ERAP2: variants seen among roughly 807,000 people sequenced by gnomAD.
ERAP2 encodes the protein endoplasmic reticulum aminopeptidase 2, also known as leukocyte-derived arginine aminopeptidase.
In ERAP2, 118 loss-of-function variants were observed where a neutral mutation model predicts 111.1. That is an observed-to-expected ratio of 1.06 (90% CI 0.92 to 1.24). The LOEUF (loss-of-function observed/expected upper bound fraction) is 1.24, where lower values mean the gene tolerates loss of function less well. Among genes scored for constraint, ERAP2 ranks in the 50% most tolerant of loss-of-function variants. The pLI is 0.00. For missense variants in ERAP2, 1,131 were observed against 1,125.8 expected, an observed-to-expected ratio of 1.00 and a Z score of -0.07; for synonymous variants, 410 against 401.2, an observed-to-expected ratio of 1.02 and a Z score of -0.26.
chr5:96,891,367 A>T (rs1581827761), intron 5 of ERAP2, among the ~76,000 whole-genome samples: 1 of 146,120 alleles, frequency 6.8e-6, no homozygotes, highest in East Asian at 2.0e-4. Context: ...GTATATATAT[A>T]TGTGTATATA....
At chr5:96,904,034 G>A (rs559337645) in intron 13 of ERAP2, among the ~76,000 whole-genome samples, 12 of 152,096 alleles carry the variant, frequency 7.9e-5, no homozygotes, top group Non-Finnish European at 1.3e-4. Context: ...ACCAAATACC[G>A]GTGTAATCTC....
chr5:96,893,529 GCA>G (rs1377100574), intron 6 of ERAP2, among the ~76,000 whole-genome samples: 1 of 152,176 alleles, frequency 6.6e-6, no homozygotes, highest in Non-Finnish European at 1.5e-5. Context: ...GAGCTCTAAA[GCA>G]CTTAACTGAG....
At chr5:96,876,593 T>C (rs941151689) in intron 1 of ERAP2, 66 bp downstream of exon 1, 9 of 152,326 alleles carry the variant, frequency 5.9e-5, no homozygotes, top group Admixed American at 4.6e-4. Context: ...AATAATGAAC[T>C]GAAGGTATAG....
At chr5:96,882,366 G>A (rs775420814) in intron 2 of ERAP2, among the ~76,000 whole-genome samples, 10 of 152,154 alleles carry the variant, frequency 6.6e-5, no homozygotes, top group South Asian at 2.1e-4. Flanking sequence ...CATGCCTCCC[G>A]TGATTAATTG....
At chr5:96,912,876 A>G (rs1786959225) in intron 16 of ERAP2, 78 bp downstream of exon 16, 1 of 1,171,210 alleles carries the variant, frequency 8.5e-7, no homozygotes, top group Non-Finnish European at 1.2e-6. Context: ...TTCAGCCACC[A>G]GTTTTAAAGG....
intron 9 of ERAP2, 102 bp downstream of exon 9, chr5:96,896,965 T>TAAGTCATATGTTGGGTAACGATATACTG: frequency 3.0e-6 from 3 of 987,684 alleles, no homozygotes; most frequent in Non-Finnish European, 4.2e-6. Context: ...GTCAACCATA[T>TAAGTCATATGTTGGGTAACGATATACTG]TTATTCTGCT....
At chr5:96,902,421 G>A (rs1170309841) in intron 12 of ERAP2, 68 bp downstream of exon 12, 2 of 943,870 alleles carry the variant, frequency 2.1e-6, no homozygotes, top group African/African-American at 3.2e-5. Context: ...CTATTTGAAG[G>A]AACGATACAA....
chr5:96,878,762 T>C (rs968449772), intron 1 of ERAP2, among the ~76,000 whole-genome samples: 5 of 152,094 alleles, frequency 3.3e-5, no homozygotes, highest in Non-Finnish European at 7.4e-5. Flanking sequence ...ACCCCGTCTC[T>C]ACTAAAAATA....
intron 13 of ERAP2, among the ~76,000 whole-genome samples, chr5:96,907,883 C>CA (rs61258566): frequency 3.9e-4 from 57 of 147,836 alleles, no homozygotes; most frequent in East Asian, 1.2e-3. Flanking sequence ...AACTCTGTCT[C>CA]AAAAAAAAAA....
intron 1 of ERAP2, among the ~76,000 whole-genome samples, chr5:96,877,739 T>TA (rs397821282): frequency 6.6e-6 from 1 of 151,982 alleles, no homozygotes; most frequent in Non-Finnish European, 1.5e-5. Flanking sequence ...CCATTTTTTT[T>TA]AAACCCTCCA....
At chr5:96,882,752 C>A (rs972384704) in intron 2 of ERAP2, among the ~76,000 whole-genome samples, 8 of 152,186 alleles carry the variant, frequency 5.3e-5, no homozygotes, top group Non-Finnish European at 1.2e-4. Flanking sequence ...AACCTTGAGG[C>A]CACAAGTGAA....
At chr5:96,912,589 T>A in intron 15 of ERAP2, 48 bp from the exon 16 acceptor site, 1 of 1,528,668 alleles carries the variant, frequency 6.5e-7, no homozygotes, top group Non-Finnish European at 8.8e-7. Context: ...AAGAAAAAAG[T>A]TTTTCTTTCA....
Position 96,879,564 on chromosome 5 carries a change from A to G in ERAP2, c.-122A>G, listed in dbSNP as rs534645620. 1.6e-4 allele frequency: 112 copies of G among 691,224 alleles called. No homozygotes were observed. The South Asian group carries it at 2.2e-3, about 14-fold the overall frequency. The allele number at this position is 691,224 out of a possible 1,614,324, so 42.8% of individuals were successfully genotyped here. ...CTATAAGTGTGTTTTTTTCTTCTAG[A>G]TTAAATTCATGTATTGAAAATATTG... On this transcript the variant is annotated splice_region_variant and 5_prime_UTR_variant, in exon 2 of 19. Transcript: ENST00000437043.
In ERAP2 at chr5:96,918,902, A is replaced by G. The variant is rs1787717332; in HGVS notation, c.*1297A>G. 6.6e-6 allele frequency: 1 copy of G among 152,178 alleles called. No individual in the cohort carries two copies. Among genetic ancestry groups the G allele is most frequent in the Non-Finnish European group, 1.5e-5 (1 of 68,026 alleles). The allele number at this position is 152,178 out of a possible 1,614,324, so 9.4% of individuals were successfully genotyped here. A position where few individuals can be genotyped will look rare whatever the true frequency, so the allele number is the denominator to read the frequency against. ...GGAAACCCCCCACCTCCTTCTTTTA[A>G]GGGCGCTTCTTGCTCTCTGAAATGC... On this transcript the variant is annotated 3_prime_UTR_variant, in exon 19 of 19. Transcript: ENST00000437043.
chr5:96,902,466 G>A (rs1785581504), intron 12 of ERAP2, 113 bp downstream of exon 12: 2 of 650,632 alleles, frequency 3.1e-6, no homozygotes, highest in Non-Finnish European at 5.3e-6. Flanking sequence ...TTATATTTGA[G>A]GGAAGTTGTC....
Position 96,883,873 on chromosome 5 carries a change from CT to C in ERAP2, c.661del (p.Ser221GlnfsTer37). 1 of 1,613,784 alleles carries C rather than the reference CT, an allele frequency of 6.2e-7. No individual in the cohort carries two copies. The highest frequency in any genetic ancestry group is 1.3e-5 in the African/African-American group (1 of 75,020). On this transcript the variant is annotated frameshift_variant, in exon 3 of 19. Transcript: ENST00000437043. LOFTEE classifies it high-confidence loss of function. Reference sequence around the variant, plus strand: ...TTGATGAACCGTTGTTCAAAGCCAACTTTTCAATCAAGATACGAAGAGAGAG... The same window carrying C: ...TTGATGAACCGTTGTTCAAAGCCAACTTTCAATCAAGATACGAAGAGAGAG... ...CFDEPLFKAN[F>X]SIKIRRESRH...
At chr5:96,916,374 C>T (rs78384030) in intron 18 of ERAP2, among the ~76,000 whole-genome samples, 6,190 of 150,996 alleles carry the variant, frequency 0.041, 398 homozygotes, top group African/African-American at 0.14. Flanking sequence ...TATTGTATTA[C>T]GATGCAAGAG....
intron 5 of ERAP2, among the ~76,000 whole-genome samples, chr5:96,890,394 G>A (rs1372411639): frequency 6.6e-6 from 1 of 152,190 alleles, no homozygotes; most frequent in Non-Finnish European, 1.5e-5. Context: ...CTGGCAGGAG[G>A]CGGAGCTCAG....
Position 96,901,539 on chromosome 5 carries a change from G to A in ERAP2, c.1606G>A (p.Glu536Lys). 1 of 1,614,054 alleles carries A rather than the reference G, an allele frequency of 6.2e-7. No homozygotes were observed. Among genetic ancestry groups the A allele is most frequent in the Non-Finnish European group, 8.5e-7 (1 of 1,179,922 alleles). Residue 536 changes from glutamate (E) to lysine (K), a missense_variant, in exon 11 of 19, where the codon GAG (glutamate) becomes AAG (lysine). Physicochemically the swap from Glu to Lys is moderately conservative, Grantham distance 56. Around this residue, in one of 3 missense-constraint regions of ERAP2, gnomAD observed 847 missense variants for 856.5 expected, o/e 0.99. Coordinates refer to ENST00000437043, the MANE Select transcript of ERAP2 (RefSeq NM_022350.5). ...TCTGGGGGAAAATGCAGAGGTCAAA[G>A]AGATGATGACTACATGGACTCTCCA... ...AFLGENAEVK[E>K]MMTTWTLQKG...
Sources: gnomAD v4.1 joint callset for allele counts (sites outside exome capture counted in the v4.1 genomes callset) on GRCh38, gnomAD v4.1.1 for gene constraint, gnomAD v4.1.1 regional missense constraint, MANE v1.5 for transcripts, NCBI Gene and HGNC (gene_info 2026-07-23, HGNC 2026-07-21) for gene names.